Variants in PTPRT observed in about 807,000 individuals in gnomAD.
PTPRT encodes the protein receptor-type tyrosine-protein phosphatase T.
Under a neutral mutation model 176.8 loss-of-function variants are expected in PTPRT, and 56 were observed. The ratio of observed to expected loss-of-function variants is 0.32; its 90% CI spans 0.26 to 0.40. The LOEUF is 0.40. Ranked by LOEUF, PTPRT falls within the 10% of genes least tolerant of loss-of-function variation. PTPRT has a pLI of 1.00. For synonymous variants in PTPRT, 783 were observed against 739.0 expected (o/e 1.06, Z -0.96); for missense variants, 1,540 against 1,908.2 (o/e 0.81, Z 3.60).
intron 9 of PTPRT, among the ~76,000 whole-genome samples, chr20:42,401,513 G>A (rs890129096): frequency 6.6e-6 from 1 of 152,004 alleles, no homozygotes; most frequent in Non-Finnish European, 1.5e-5. Context: ...TCAGCACTTT[G>A]CAGAACAGGA....
intron 6 of PTPRT, among the ~76,000 whole-genome samples, chr20:42,717,867 C>CTGTGTG (rs72024227): frequency 0.079 from 11,865 of 150,208 alleles, 496 homozygotes; most frequent in South Asian, 0.16. Flanking sequence ...TCAAGATCAC[C>CTGTGTG]TGTGTGTGTG....
intron 7 of PTPRT, among the ~76,000 whole-genome samples, chr20:42,611,861 CT>C (rs2145826079): frequency 6.6e-6 from 1 of 152,280 alleles, no homozygotes; most frequent in African/African-American, 2.4e-5. Flanking sequence ...GGCTCCATAG[CT>C]ATTTCACCCA....
At chr20:42,377,171 G>GA (rs2058659535) in intron 9 of PTPRT, among the ~76,000 whole-genome samples, 1 of 152,166 alleles carries the variant, frequency 6.6e-6, no homozygotes, top group South Asian at 2.1e-4. Flanking sequence ...AACCTTTGCA[G>GA]AAACATTCAG....
chr20:43,097,372 C>A (rs764930295), intron 1 of PTPRT, among the ~76,000 whole-genome samples: 4 of 152,184 alleles, frequency 2.6e-5, no homozygotes, highest in African/African-American at 9.7e-5. Context: ...ACCTGCCCCA[C>A]AAGCCCCAAC....
chr20:42,174,544 T>G (rs1279323125), intron 16 of PTPRT, among the ~76,000 whole-genome samples: 1 of 152,196 alleles, frequency 6.6e-6, no homozygotes, highest in Non-Finnish European at 1.5e-5. Flanking sequence ...AAGGAAAACT[T>G]GGGCAGGTGA....
chr20:42,149,909 G>C (rs928852511), intron 17 of PTPRT, among the ~76,000 whole-genome samples: 6 of 152,110 alleles, frequency 3.9e-5, no homozygotes, highest in African/African-American at 1.4e-4. Context: ...CCTATCCACA[G>C]AGCTGAGCCC....
At chr20:42,249,729 C>T (rs2056518035) in intron 13 of PTPRT, among the ~76,000 whole-genome samples, 1 of 152,196 alleles carries the variant, frequency 6.6e-6, no homozygotes, top group Admixed American at 6.5e-5. Context: ...TCATCTAGTT[C>T]CTCAATCCCT....
chr20:42,043,773 GT>G, the PTPRT span, among the ~76,000 whole-genome samples: 2 of 152,160 alleles, frequency 1.3e-5, no homozygotes, highest in African/African-American at 4.8e-5. Flanking sequence ...TCATCTTACA[GT>G]GATGTTGGAC....
At chr20:42,893,253 T>C (rs914017171) in intron 1 of PTPRT, among the ~76,000 whole-genome samples, 1 of 152,120 alleles carries the variant, frequency 6.6e-6, no homozygotes, top group Non-Finnish European at 1.5e-5. Context: ...AAAAGACACA[T>C]GAAAAAATGC....
chr20:42,571,086 C>T (rs1170295789), intron 7 of PTPRT, among the ~76,000 whole-genome samples: 1 of 152,192 alleles, frequency 6.6e-6, no homozygotes, highest in East Asian at 1.9e-4. Context: ...TTATAAAGAA[C>T]TCTTAGAACA....
intron 7 of PTPRT, among the ~76,000 whole-genome samples, chr20:42,645,988 CT>C (rs1298014641): frequency 6.6e-6 from 1 of 152,092 alleles, no homozygotes; most frequent in Non-Finnish European, 1.5e-5. Context: ...ACCTACCACT[CT>C]TCCTGGCTTG....
At chr20:42,504,336 A>T (rs1601145821) in intron 7 of PTPRT, among the ~76,000 whole-genome samples, 2 of 148,080 alleles carry the variant, frequency 1.4e-5, no homozygotes, top group East Asian at 3.9e-4. Context: ...AATGAATGTT[A>T]AAAAAAAACC....
At chr20:43,153,876 C>T (rs1208357506) in intron 1 of PTPRT, among the ~76,000 whole-genome samples, 1 of 152,128 alleles carries the variant, frequency 6.6e-6, no homozygotes, top group Non-Finnish European at 1.5e-5. Context: ...AGGTTCATAA[C>T]CAGGAAAGAG....
intron 9 of PTPRT, among the ~76,000 whole-genome samples, chr20:42,416,922 T>C (rs2059070937): frequency 6.6e-6 from 1 of 152,152 alleles, no homozygotes; most frequent in Non-Finnish European, 1.5e-5. Context: ...AACAGGTGGA[T>C]ATGTTGGGCT....
chr20:42,843,799 A>C (rs2078321506), intron 2 of PTPRT, among the ~76,000 whole-genome samples: 2 of 152,232 alleles, frequency 1.3e-5, no homozygotes, highest in Admixed American at 6.5e-5. Context: ...AGAGGGAATT[A>C]AGGGGTAAGA....
In PTPRT at chr20:42,762,492, C is replaced by A. The variant is rs139603458; in HGVS notation, c.685-5856G>T. Among the ~76,000 whole-genome samples the A allele has an allele frequency of 7.7e-3, 1,166 of 152,310 alleles. 13 individuals are homozygous for A. Among genetic ancestry groups the A allele is most frequent in the African/African-American group, 0.025 (1,058 of 41,554 alleles). ...ATGGAAAAATTCCTTAAATCTAAGA[C>A]CATGTCCTGAGGATGAGCAACTGGT... On this transcript the variant is annotated intron_variant, in intron 5 of 30. Transcript: ENST00000373187.
At chr20:42,207,946 G>A (rs6030053) in intron 15 of PTPRT, among the ~76,000 whole-genome samples, 1,022 of 32,594 alleles carry the variant, frequency 0.031, 3 homozygotes, top group Middle Eastern at 0.058. Flanking sequence ...CGGATCTCTC[G>A]GCAGAAACCC....
chr20:42,459,811 C>A (rs2070987545), intron 8 of PTPRT, among the ~76,000 whole-genome samples: 1 of 150,134 alleles, frequency 6.7e-6, no homozygotes, highest in Admixed American at 6.7e-5. Context: ...CCACTTCAGC[C>A]TCCTGAGTAG....
intron 1 of PTPRT, among the ~76,000 whole-genome samples, chr20:42,953,522 G>A (rs570051905): frequency 7.0e-4 from 107 of 152,312 alleles, no homozygotes; most frequent in African/African-American, 2.2e-3. Flanking sequence ...TTGAAGAAGA[G>A]CTCAGATGAC....
Sources: gnomAD v4.1 joint callset for allele counts (sites outside exome capture counted in the v4.1 genomes callset) on GRCh38, gnomAD v4.1.1 for gene constraint, MANE v1.5 for transcripts, NCBI Gene and HGNC (gene_info 2026-07-23, HGNC 2026-07-21) for gene names.